Variants in IGSF23 observed in about 807,000 individuals in gnomAD.
IGSF23 encodes the protein immunoglobulin superfamily, member 23.
Under a neutral mutation model 17.8 loss-of-function variants are expected in IGSF23, and 14 were observed. That is an observed-to-expected ratio of 0.79 (90% CI 0.52 to 1.23). The LOEUF (loss-of-function observed/expected upper bound fraction) is 1.23, where lower values mean the gene tolerates loss of function less well. Ranked by LOEUF, IGSF23 falls within the 50% of genes most tolerant of loss-of-function variation. The pLI, the probability that IGSF23 is intolerant of heterozygous loss-of-function variation, is 0.00. For missense variants in IGSF23, 214 were observed against 241.7 expected, an observed-to-expected ratio of 0.89 and a Z score of 0.76; for synonymous variants, 85 against 92.5, an observed-to-expected ratio of 0.92 and a Z score of 0.46.
chr19:44,614,582 G>T, intron 1 of IGSF23, among the ~76,000 whole-genome samples: 1 of 151,944 alleles, frequency 6.6e-6, no homozygotes, highest in Non-Finnish European at 1.5e-5. Context: ...ATAGGTATGC[G>T]CCACCAAACC....
chr19:44,633,732 T>C (rs1972821039), intron 3 of IGSF23, among the ~76,000 whole-genome samples: 1 of 152,224 alleles, frequency 6.6e-6, no homozygotes, highest in Non-Finnish European at 1.5e-5. Flanking sequence ...TTTCTTTCCC[T>C]GAATAGTTAT....
intron 3 of IGSF23, among the ~76,000 whole-genome samples, chr19:44,629,315 G>A (rs555228498): frequency 1.8e-4 from 27 of 152,288 alleles, no homozygotes; most frequent in African/African-American, 6.5e-4. Context: ...ACTTTGGAAG[G>A]CCAAGGCAGG....
chr19:44,635,364 C>T, intron 3 of IGSF23, 37 bp from the exon 4 acceptor site: 9 of 1,462,738 alleles, frequency 6.2e-6, no homozygotes, highest in Non-Finnish European at 8.4e-6. Flanking sequence ...CTCTCTCTCT[C>T]TCTCTCTCTC....
chr19:44,627,666 C>A (rs1018199268), intron 3 of IGSF23, 93 bp downstream of exon 3: 1 of 1,367,932 alleles, frequency 7.3e-7, no homozygotes, highest in African/African-American at 1.4e-5. Context: ...GAGATGAAAC[C>A]AACACCCCCA....
intron 1 of IGSF23, among the ~76,000 whole-genome samples, chr19:44,615,911 C>G (rs1048403230): frequency 5.1e-3 from 392 of 77,480 alleles, no homozygotes; most frequent in Non-Finnish European, 5.9e-3. Context: ...TTCCTGGGGG[C>G]GGGAGGGTGG....
intron 3 of IGSF23, among the ~76,000 whole-genome samples, chr19:44,633,531 A>T (rs1451991913): frequency 6.6e-6 from 1 of 152,216 alleles, no homozygotes; most frequent in Non-Finnish European, 1.5e-5. Context: ...TACAGAAGTT[A>T]TAATTGGTTG....
intron 3 of IGSF23, among the ~76,000 whole-genome samples, chr19:44,629,587 A>G (rs1483155027): frequency 6.6e-6 from 1 of 151,948 alleles, no homozygotes; most frequent in African/African-American, 2.4e-5. Flanking sequence ...TAATGTTTTT[A>G]AAAAACTTGA....
intron 3 of IGSF23, among the ~76,000 whole-genome samples, chr19:44,629,632 C>CT (rs11344283): frequency 0.32 from 37,006 of 114,094 alleles, 7,060 homozygotes; most frequent in Non-Finnish European, 0.35. Context: ...TATATGCTTT[C>CT]TTTTTTTTTT....
At chr19:44,622,175 C>T (rs1972536921) in intron 1 of IGSF23, among the ~76,000 whole-genome samples, 2 of 150,014 alleles carry the variant, frequency 1.3e-5, no homozygotes, top group South Asian at 4.3e-4. Flanking sequence ...AGCCAAGCTC[C>T]AGCCTGGATG....
intron 3 of IGSF23, among the ~76,000 whole-genome samples, chr19:44,630,728 C>T (rs920829987): frequency 5.9e-5 from 9 of 152,354 alleles, no homozygotes; most frequent in South Asian, 2.1e-4. Context: ...ATGGACATGG[C>T]TGCCTTGACC....
chr19:44,627,638 T>C, intron 3 of IGSF23, 65 bp downstream of exon 3: 8 of 1,474,202 alleles, frequency 5.4e-6, no homozygotes, highest in Non-Finnish European at 6.4e-6. Context: ...GGCACAGAGC[T>C]GGCTCAACAA....
At chr19:44,618,492 G>A (rs1972438966) in intron 1 of IGSF23, among the ~76,000 whole-genome samples, 1 of 152,176 alleles carries the variant, frequency 6.6e-6, no homozygotes, top group South Asian at 2.1e-4. Context: ...AGCCCACCAG[G>A]ACACTTTGCA....
intron 1 of IGSF23, chr19:44,620,646 C>T (rs1005674857): frequency 8.5e-5 from 13 of 152,274 alleles, no homozygotes; most frequent in Non-Finnish European, 1.8e-4. Flanking sequence ...GGATTACAGG[C>T]GTGAGCCACC....
At chr19:44,629,926 CTATT>C (rs1424237547) in intron 3 of IGSF23, among the ~76,000 whole-genome samples, 1 of 152,062 alleles carries the variant, frequency 6.6e-6, no homozygotes, top group Non-Finnish European at 1.5e-5. Flanking sequence ...AAGCATTACT[CTATT>C]TAATCTCCAT....
At chr19:44,626,399 T>C (rs889908392) in intron 2 of IGSF23, among the ~76,000 whole-genome samples, 4 of 152,206 alleles carry the variant, frequency 2.6e-5, no homozygotes, top group Non-Finnish European at 4.4e-5. Context: ...TTATGAGCAC[T>C]TGCTGTGTGG....
chr19:44,627,801 CTG>C (rs900456976), intron 3 of IGSF23, among the ~76,000 whole-genome samples: 1 of 152,220 alleles, frequency 6.6e-6, no homozygotes. Flanking sequence ...AGTCCCAGCT[CTG>C]TAACTTACTA....
At chr19:44,621,754 G>T (rs1972526710) in intron 1 of IGSF23, among the ~76,000 whole-genome samples, 1 of 152,158 alleles carries the variant, frequency 6.6e-6, no homozygotes, top group South Asian at 2.1e-4. Context: ...TAACCAAAAG[G>T]CAAGTGTAGT....
At chr19:44,617,238 A>G (rs1972403623) in intron 1 of IGSF23, among the ~76,000 whole-genome samples, 1 of 150,020 alleles carries the variant, frequency 6.7e-6, no homozygotes, top group Non-Finnish European at 1.5e-5. Flanking sequence ...AAAAAAAAAA[A>G]TGCCTATCAG....
At position 44,627,670 on chromosome 19, in the gene IGSF23, A is replaced by G; in HGVS notation, c.545+97A>G. 13 of 1,353,800 alleles carry G rather than the reference A, an allele frequency of 9.6e-6. No individual in the cohort carries two copies. In the South Asian group the frequency reaches 1.9e-4, roughly 20 times the overall value. 83.9% of individuals were successfully genotyped at this position (1,353,800 alleles called of 1,614,324 possible). ...ACAAGGAAACAGAGATGAAACCAACACCCCCATCAGGGAGGGTGATAGCGA... is the reference window on the plus strand; with the variant it reads ...ACAAGGAAACAGAGATGAAACCAACGCCCCCATCAGGGAGGGTGATAGCGA... On this transcript the variant is annotated intron_variant, in intron 3 of 4. Transcript: ENST00000402988.
Sources: gnomAD v4.1 joint callset for allele counts (sites outside exome capture counted in the v4.1 genomes callset) on GRCh38, gnomAD v4.1.1 for gene constraint, MANE v1.5 for transcripts, NCBI Gene and HGNC (gene_info 2026-07-23, HGNC 2026-07-21) for gene names.